The following ABCC4 variants were observed in gnomAD, a reference collection of about 807,000 sequenced individuals.
ABCC4 encodes ATP-binding cassette sub-family C member 4.
In ABCC4, 102 loss-of-function variants were observed where a neutral mutation model predicts 168.5. The ratio of observed to expected loss-of-function variants is 0.61; its 90% CI spans 0.52 to 0.71. The LOEUF (loss-of-function observed/expected upper bound fraction) is 0.71. Among genes scored for constraint, ABCC4 ranks in the 30% least tolerant of loss-of-function variants. The pLI is 0.00. For synonymous variants in ABCC4, 617 were observed against 590.7 expected (o/e 1.04, Z -0.65); for missense variants, 1,402 against 1,605.8 (o/e 0.87, Z 2.17).
intron 6 of ABCC4, among the ~76,000 whole-genome samples, chr13:95,209,087 T>A (rs1470222625): frequency 6.6e-6 from 1 of 152,244 alleles, no homozygotes; most frequent in Non-Finnish European, 1.5e-5. Context: ...ACGGTAAAGA[T>A]GTATGCAGCT....
chr13:95,062,620 A>G lies in ABCC4; in HGVS notation c.3366+84T>C, dbSNP rs1015467315. The G allele has an allele frequency of 2.3e-6, 3 of 1,295,570 alleles. No homozygotes were observed. The African/African-American group carries it at 4.5e-5, about 20-fold the overall frequency. 80.3% of individuals were successfully genotyped at this position (1,295,570 alleles called of 1,614,324 possible). On this transcript the variant is annotated intron_variant, in intron 26 of 30. Coordinates refer to ENST00000645237, the MANE Select transcript of ABCC4 (RefSeq NM_005845.5). The stretch of plus-strand genomic sequence containing the variant: ...AAAAAAAAAACAATCCTTTCATCCA[A>G]TTAAAAAAAGCAATAAGAGTAAAAG...
intron 19 of ABCC4, among the ~76,000 whole-genome samples, chr13:95,152,306 A>G (rs2036713562): frequency 6.6e-6 from 1 of 152,214 alleles, no homozygotes; most frequent in African/African-American, 2.4e-5. Flanking sequence ...AAACACTCTA[A>G]TTTTATTTCA....
In ABCC4 at chr13:95,021,573, A is replaced by T. The variant is rs746126826; in HGVS notation, c.*2T>A. The T allele has an allele frequency of 1.3e-6, 2 of 1,598,536 alleles. No individual in the cohort carries two copies. The highest frequency in any genetic ancestry group is 2.7e-5 in the African/African-American group (2 of 74,498). On this transcript the variant is annotated 3_prime_UTR_variant, in exon 31 of 31. Transcript: ENST00000645237. ...GGAACGGACTTGACATTTTGGTTGG[A>T]TTCACAGTGCTGTCTCGAAAATAGT...
chr13:95,209,617 G>C lies in ABCC4; in HGVS notation c.622-20C>G. 2 of 1,596,438 alleles carry C rather than the reference G, an allele frequency of 1.3e-6. No homozygotes were observed. Among genetic ancestry groups the C allele is most frequent in the South Asian group, 1.1e-5 (1 of 88,644 alleles). On this transcript the variant is annotated intron_variant, in intron 5 of 30. Coordinates refer to ENST00000645237, the MANE Select transcript of ABCC4 (RefSeq NM_005845.5). Reference sequence around the variant, plus strand: ...TGTCACCTTTAAAGAAAAAGACAGAGCGTTCTTAGGACTCCAGAAAAGCAA... The same window carrying C: ...TGTCACCTTTAAAGAAAAAGACAGACCGTTCTTAGGACTCCAGAAAAGCAA...
chr13:95,225,350 A>G (rs1347170538), intron 4 of ABCC4, among the ~76,000 whole-genome samples: 2 of 151,504 alleles, frequency 1.3e-5, no homozygotes, highest in Non-Finnish European at 3.0e-5. Context: ...CTATATACTA[A>G]CAACAAACGG....
At position 95,211,616 on chromosome 13, in the gene ABCC4, G is replaced by A. The variant is rs536844203; in HGVS notation, c.532-835C>T. On this transcript the variant is annotated intron_variant, in intron 4 of 30. Coordinates refer to ENST00000645237, the MANE Select transcript of ABCC4 (RefSeq NM_005845.5). ...AAACAGGTGAAGCTTATGGAAATGG[G>A]GCTGAAGCAGGTGAAGCTCATGGAA... is the stretch of plus-strand genomic sequence containing the variant. 2.3e-4 allele frequency among the ~76,000 whole-genome samples: 35 copies of A among 152,156 alleles called. 1 individual carries two copies. In the South Asian group the frequency reaches 4.2e-3, roughly 18 times the overall value.
At chr13:95,129,242 T>G (rs1274225582) in intron 19 of ABCC4, among the ~76,000 whole-genome samples, 1 of 152,256 alleles carries the variant, frequency 6.6e-6, no homozygotes, top group Non-Finnish European at 1.5e-5. Context: ...TATTAAAATA[T>G]TATTTTACAT....
chr13:95,054,655 G>C (rs1184022022), intron 26 of ABCC4, among the ~76,000 whole-genome samples: 1 of 152,162 alleles, frequency 6.6e-6, no homozygotes, highest in Non-Finnish European at 1.5e-5. Context: ...TCAAGGATAG[G>C]GGCAGAACAA....
intron 20 of ABCC4, chr13:95,096,092 C>A: frequency 1.9e-6 from 1 of 528,102 alleles, no homozygotes; most frequent in South Asian, 2.8e-5. Flanking sequence ...CCTATAATCC[C>A]AGCACTGAGG....
chr13:95,167,899 G>C (rs1178875224), intron 14 of ABCC4, among the ~76,000 whole-genome samples: 2 of 152,106 alleles, frequency 1.3e-5, no homozygotes, highest in Non-Finnish European at 2.9e-5. Flanking sequence ...TAGGGTCTCA[G>C]TCTGTTGCCC....
intron 26 of ABCC4, among the ~76,000 whole-genome samples, chr13:95,057,056 C>A (rs368289929): frequency 2.6e-5 from 4 of 152,182 alleles, no homozygotes; most frequent in Non-Finnish European, 5.9e-5. Flanking sequence ...AAACTCTTGT[C>A]TGAGTTATAG....
chr13:95,301,421 C>T lies in ABCC4; in HGVS notation c.-107G>A. 1.0e-6 allele frequency: 1 copy of T among 966,950 alleles called. No individual in the cohort carries two copies. Among genetic ancestry groups the T allele is most frequent in the Admixed American group, 3.3e-5 (1 of 29,946 alleles). The allele number at this position is 966,950 out of a possible 1,614,324, so 59.9% of individuals were successfully genotyped here. ...AGGGATGCTGGGGCTCCGGCCGCCA[C>T]GCCTGTCCGCTCGGCTGGAGCCTGT... is the stretch of plus-strand genomic sequence containing the variant. On this transcript the variant is annotated 5_prime_UTR_variant, in exon 1 of 31. In the 5' UTR this introduces an upstream ATG that the reference lacks. Transcript: ENST00000645237.
At chr13:95,126,736 T>TATAC (rs2035782286) in intron 19 of ABCC4, among the ~76,000 whole-genome samples, 2 of 132,422 alleles carry the variant, frequency 1.5e-5, no homozygotes, top group Non-Finnish European at 3.2e-5. Context: ...TATATATATA[T>TATAC]ATATATATAT....
At chr13:95,092,948 T>C (rs1170205203) in intron 20 of ABCC4, among the ~76,000 whole-genome samples, 2 of 152,058 alleles carry the variant, frequency 1.3e-5, no homozygotes, top group African/African-American at 4.8e-5. Flanking sequence ...CTAGAAGAGA[T>C]GGATAAATTC....
rs1340760853 is a variant in ABCC4, at chr13:95,177,808, G to C, written c.1641-15C>G. 6.3e-7 allele frequency: 1 copy of C among 1,599,064 alleles called. No individual in the cohort carries two copies. The highest frequency in any genetic ancestry group is 8.6e-7 in the Non-Finnish European group (1 of 1,168,674). The stretch of plus-strand genomic sequence containing the variant: ...GATACACTGCTCTAGAAAATACAAA[G>C]AGGTATCAGACTCTCACCCAGGAAC... On this transcript the variant is annotated splice_polypyrimidine_tract_variant and intron_variant, in intron 12 of 30. Coordinates refer to ENST00000645237, the MANE Select transcript of ABCC4 (RefSeq NM_005845.5).
chr13:95,081,503 T>C (rs1017191003), intron 21 of ABCC4, among the ~76,000 whole-genome samples: 4 of 152,232 alleles, frequency 2.6e-5, no homozygotes, highest in South Asian at 2.1e-4. Flanking sequence ...CCAGCAATTA[T>C]ACTCTACCTT....
chr13:95,245,858 C>CA (rs1259565927), intron 3 of ABCC4, among the ~76,000 whole-genome samples: 1 of 148,688 alleles, frequency 6.7e-6, no homozygotes, highest in Non-Finnish European at 1.5e-5. Flanking sequence ...CAAACCCCCC[C>CA]ACATACAAAC....
At chr13:95,211,512 G>A (rs1480099799) in intron 4 of ABCC4, among the ~76,000 whole-genome samples, 3 of 152,170 alleles carry the variant, frequency 2.0e-5, no homozygotes, top group African/African-American at 7.2e-5. Context: ...GAAGTACGGA[G>A]AAGGAGGATG....
At position 95,301,413 on chromosome 13, in the gene ABCC4, G is replaced by C; in HGVS notation, c.-99C>G. On this transcript the variant is annotated 5_prime_UTR_variant, in exon 1 of 31. Coordinates refer to ENST00000645237, the MANE Select transcript of ABCC4 (RefSeq NM_005845.5). The stretch of plus-strand genomic sequence containing the variant: ...CCTCAAGCAGGGATGCTGGGGCTCC[G>C]GCCGCCACGCCTGTCCGCTCGGCTG... 1 of 1,071,724 alleles carries C rather than the reference G, an allele frequency of 9.3e-7. No homozygotes were observed. Among genetic ancestry groups the C allele is most frequent in the Non-Finnish European group, 1.3e-6 (1 of 773,122 alleles). The allele number at this position is 1,071,724 out of a possible 1,614,324, so 66.4% of individuals were successfully genotyped here.
Sources: allele counts gnomAD v4.1 joint callset (sites outside exome capture counted in the v4.1 genomes callset), GRCh38; gene constraint gnomAD v4.1.1; transcripts MANE v1.5; gene names NCBI Gene and HGNC (gene_info 2026-07-23, HGNC 2026-07-21).